SLC7A14: variants seen among roughly 807,000 people sequenced by gnomAD.
SLC7A14 encodes gamma-aminobutyric acid transporter SLC7A14.
Under a neutral mutation model 60.2 loss-of-function variants are expected in SLC7A14, and 37 were observed. The observed-to-expected ratio is 0.61, with a 90% CI of 0.47 to 0.81. The LOEUF (loss-of-function observed/expected upper bound fraction) is 0.81, where lower values mean the gene tolerates loss of function less well. SLC7A14 is among the 30% of genes least tolerant of loss of function. SLC7A14 has a pLI of 0.00. For missense variants in SLC7A14, 886 were observed against 982.7 expected (o/e 0.90, Z 1.32); for synonymous variants, 399 against 395.8 (o/e 1.01, Z -0.10).
At chr3:170,478,515 T>C (rs1172018947) in intron 7 of SLC7A14, among the ~76,000 whole-genome samples, 2 of 152,142 alleles carry the variant, frequency 1.3e-5, no homozygotes, top group African/African-American at 2.4e-5. Context: ...CAGGAAGCCA[T>C]AGAGCAGCCT....
intron 4 of SLC7A14, among the ~76,000 whole-genome samples, chr3:170,489,666 T>A (rs1240390826): frequency 6.6e-6 from 1 of 152,200 alleles, no homozygotes; most frequent in Non-Finnish European, 1.5e-5. Context: ...CTGTTTACAA[T>A]AGCTAAGATT....
At chr3:170,512,151 G>T (rs1405835446) in intron 2 of SLC7A14, among the ~76,000 whole-genome samples, 1 of 152,208 alleles carries the variant, frequency 6.6e-6, no homozygotes, top group Non-Finnish European at 1.5e-5. Flanking sequence ...GATCTCAGAA[G>T]ATTCTGTGGG....
intron 4 of SLC7A14, among the ~76,000 whole-genome samples, chr3:170,492,104 C>A (rs986469865): frequency 6.6e-6 from 1 of 152,188 alleles, no homozygotes; most frequent in Non-Finnish European, 1.5e-5. Context: ...CAAAGAACCA[C>A]TGAAACCGTT....
intron 7 of SLC7A14, among the ~76,000 whole-genome samples, chr3:170,478,273 T>G (rs562149729): frequency 3.0e-4 from 46 of 152,278 alleles, no homozygotes; most frequent in Non-Finnish European, 4.9e-4. Flanking sequence ...AGATGGGGTT[T>G]TGCCATGTAG....
At chr3:170,561,687 C>T (rs369363814) in intron 1 of SLC7A14, among the ~76,000 whole-genome samples, 3 of 151,934 alleles carry the variant, frequency 2.0e-5, no homozygotes, top group Non-Finnish European at 2.9e-5. Context: ...AGGACATGGC[C>T]GCCGAGTAAA....
intron 1 of SLC7A14, among the ~76,000 whole-genome samples, chr3:170,545,234 T>C (rs1452036830): frequency 2.0e-5 from 3 of 152,194 alleles, no homozygotes; most frequent in Non-Finnish European, 4.4e-5. Flanking sequence ...AAGCTAGCAT[T>C]GGAAGAGCCA....
intron 1 of SLC7A14, among the ~76,000 whole-genome samples, chr3:170,536,026 A>G (rs959426182): frequency 2.6e-5 from 4 of 152,202 alleles, no homozygotes; most frequent in Non-Finnish European, 1.5e-5. Context: ...CTGTGTCTAC[A>G]GAGATACTGG....
intron 2 of SLC7A14, among the ~76,000 whole-genome samples, chr3:170,520,389 T>C (rs1473691385): frequency 6.6e-6 from 1 of 152,210 alleles, no homozygotes; most frequent in African/African-American, 2.4e-5. Flanking sequence ...ATGACTATTA[T>C]TGCCATAGTC....
At chr3:170,548,952 C>T (rs956450126) in intron 1 of SLC7A14, among the ~76,000 whole-genome samples, 1 of 152,194 alleles carries the variant, frequency 6.6e-6, no homozygotes, top group Non-Finnish European at 1.5e-5. Context: ...CAGAGTGTGT[C>T]TGTTGTGGGC....
intron 1 of SLC7A14, among the ~76,000 whole-genome samples, chr3:170,527,972 C>G (rs138088482): frequency 6.6e-6 from 1 of 152,178 alleles, no homozygotes; most frequent in East Asian, 1.9e-4. Context: ...TAGTTTGGAA[C>G]TTAAGAGGAG....
chr3:170,494,072 G>T (rs1238927172), intron 4 of SLC7A14, among the ~76,000 whole-genome samples: 1 of 152,190 alleles, frequency 6.6e-6, no homozygotes, highest in Non-Finnish European at 1.5e-5. Flanking sequence ...AAGATAACCA[G>T]TTCATGGTCC....
Position 170,480,589 on chromosome 3 carries a change from C to T in SLC7A14, c.1693G>A (p.Val565Met). ...AAGAGCAGGAGCACGCAGATGGTCA[C>T]CGTGTGCCCCGTCGCTGCTGTGGGC... ...DRPTAATGHT[V>M]TICVLLLFIL... is the part of the protein sequence containing the mutation. Residue 565 changes from valine (V) to methionine (M), a missense_variant, in exon 7 of 8, where the codon GTG (valine) becomes ATG (methionine). Transcript: ENST00000231706. 6.2e-7 allele frequency: 1 copy of T among 1,614,246 alleles called. No homozygotes were observed.
At chr3:170,543,941 G>A (rs1714094391) in intron 1 of SLC7A14, among the ~76,000 whole-genome samples, 2 of 151,556 alleles carry the variant, frequency 1.3e-5, no homozygotes, top group Admixed American at 6.6e-5. Flanking sequence ...GTAGAGACAG[G>A]GTTTCACTAT....
At position 170,562,599 on chromosome 3, in the gene SLC7A14, T is replaced by C. The variant is rs150294292; in HGVS notation, c.-153+23312A>G. On this transcript the variant is annotated intron_variant, in intron 1 of 7. Coordinates refer to ENST00000231706, the MANE Select transcript of SLC7A14 (RefSeq NM_020949.3). ...CACAAATCACCACTAAAGAACTTAC[T>C]TGTGTACTCATACCACCTGTTCCCC... Among the ~76,000 whole-genome samples, 614 of 152,122 alleles carry C rather than the reference T, an allele frequency of 4.0e-3. 6 individuals carry two copies. Among genetic ancestry groups the C allele is most frequent in the African/African-American group, 0.014 (591 of 41,484 alleles).
chr3:170,526,493 C>G, intron 2 of SLC7A14, 140 bp downstream of exon 2: 2 of 1,036,704 alleles, frequency 1.9e-6, no homozygotes, highest in South Asian at 3.4e-5. Context: ...CCCTGGCAGT[C>G]AAGGCAAAAA....
At chr3:170,468,157 AC>A (rs1739774931) in intron 7 of SLC7A14, among the ~76,000 whole-genome samples, 1 of 152,004 alleles carries the variant, frequency 6.6e-6, no homozygotes, top group South Asian at 2.1e-4. Context: ...GTCCAGTGCA[AC>A]CTCTGTGTTG....
Position 170,498,829 on chromosome 3 carries a change from C to T in SLC7A14, c.597G>A (p.Val199=), listed in dbSNP as rs961608674. Residue 199 remains valine (V), a synonymous_variant, in exon 4 of 8, where the codon GTG becomes GTA. Transcript: ENST00000231706. ...TCACCCCCAGAGCAACAATGATGGTCACGATGACCGCGATCAACAGAGCCA... is the reference window on the plus strand; with the variant it reads ...TCACCCCCAGAGCAACAATGATGGTTACGATGACCGCGATCAACAGAGCCA... ...DLLALLIAVI[V]TIIVALGVKN... The T allele has an allele frequency of 1.9e-6, 3 of 1,613,994 alleles. No homozygotes were observed. The highest frequency in any genetic ancestry group is 2.5e-6 in the Non-Finnish European group (3 of 1,180,030).
At chr3:170,574,940 C>A (rs1466571041) in intron 1 of SLC7A14, among the ~76,000 whole-genome samples, 1 of 152,130 alleles carries the variant, frequency 6.6e-6, no homozygotes, top group Non-Finnish European at 1.5e-5. Context: ...TTCTCATCAA[C>A]TGAATGGATT....
intron 4 of SLC7A14, among the ~76,000 whole-genome samples, chr3:170,488,940 T>C (rs1323225962): frequency 6.6e-6 from 1 of 152,150 alleles, no homozygotes; most frequent in Non-Finnish European, 1.5e-5. Flanking sequence ...ATTCACCTTT[T>C]TGTACTTTGT....
Sources: allele counts gnomAD v4.1 joint callset (sites outside exome capture counted in the v4.1 genomes callset), GRCh38; gene constraint gnomAD v4.1.1; transcripts MANE v1.5; gene names NCBI Gene and HGNC (gene_info 2026-07-23, HGNC 2026-07-21).